COMMD10: variants seen among roughly 807,000 people sequenced by gnomAD.
COMMD10 encodes the protein COMM domain containing 10.
A neutral mutation model predicts 28.9 loss-of-function variants in COMMD10; 33 were observed. That is an observed-to-expected ratio of 1.14 (90% CI 0.87 to 1.53). COMMD10 has a LOEUF of 1.53. Ranked by LOEUF, COMMD10 falls within the 40% of genes most tolerant of loss-of-function variation. COMMD10 has a pLI of 0.00. For missense variants in COMMD10, 310 were observed against 233.4 expected (o/e 1.33, Z -2.14); for synonymous variants, 110 against 81.7 (o/e 1.35, Z -1.87).
chr5:116,194,838 A>G (rs1353528600), intron 5 of COMMD10, among the ~76,000 whole-genome samples: 1 of 152,150 alleles, frequency 6.6e-6, no homozygotes, highest in Non-Finnish European at 1.5e-5. Context: ...CCCTAATACC[A>G]AAATCAGGAA....
chr5:116,191,615 C>A (rs1361104466), intron 5 of COMMD10, among the ~76,000 whole-genome samples: 1 of 151,886 alleles, frequency 6.6e-6, no homozygotes, highest in South Asian at 2.1e-4. Context: ...TCACCCCAAC[C>A]CCCAACAGCA....
chr5:116,117,195 T>C (rs73780836), intron 4 of COMMD10, among the ~76,000 whole-genome samples: 1,687 of 152,334 alleles, frequency 0.011, 33 homozygotes, highest in African/African-American at 0.038. Flanking sequence ...TTGGGTTTTT[T>C]ACAGTTTCTG....
At chr5:116,256,796 T>C (rs923189175) in intron 5 of COMMD10, among the ~76,000 whole-genome samples, 8 of 151,804 alleles carry the variant, frequency 5.3e-5, no homozygotes, top group Non-Finnish European at 1.0e-4. Flanking sequence ...TAAACAAAGT[T>C]TGCATACATT....
At chr5:116,088,384 T>G (rs575498600) in intron 2 of COMMD10, among the ~76,000 whole-genome samples, 7 of 152,368 alleles carry the variant, frequency 4.6e-5, no homozygotes, top group African/African-American at 1.7e-4. Flanking sequence ...CAAGCTGGTT[T>G]CCCTGCCTAT....
intron 4 of COMMD10, among the ~76,000 whole-genome samples, chr5:116,099,709 CT>C (rs1387526062): frequency 3.3e-5 from 5 of 152,084 alleles, no homozygotes; most frequent in Non-Finnish European, 7.4e-5. Context: ...ATTGACCACT[CT>C]TTTATATACC....
intron 5 of COMMD10, among the ~76,000 whole-genome samples, chr5:116,177,984 C>T (rs1747785593): frequency 6.6e-6 from 1 of 152,124 alleles, no homozygotes; most frequent in African/African-American, 2.4e-5. Flanking sequence ...ATAATATGAG[C>T]ATGTACCTTA....
intron 4 of COMMD10, among the ~76,000 whole-genome samples, chr5:116,102,195 C>G (rs780644630): frequency 2.6e-5 from 4 of 152,118 alleles, no homozygotes; most frequent in Non-Finnish European, 5.9e-5. Flanking sequence ...TTCAAGTATT[C>G]CATTGAAGTC....
intron 5 of COMMD10, among the ~76,000 whole-genome samples, chr5:116,182,460 A>G (rs1748003199): frequency 1.3e-5 from 2 of 152,068 alleles, no homozygotes; most frequent in Non-Finnish European, 2.9e-5. Context: ...TTGAGCAAAA[A>G]AAAAGTCAGT....
At chr5:116,233,919 T>C (rs994188991) in intron 5 of COMMD10, among the ~76,000 whole-genome samples, 3 of 152,118 alleles carry the variant, frequency 2.0e-5, no homozygotes, top group Non-Finnish European at 2.9e-5. Flanking sequence ...CCTCAAAATG[T>C]TGAGAGAAGG....
chr5:116,225,967 A>G (rs553883022), intron 5 of COMMD10, among the ~76,000 whole-genome samples: 1 of 151,808 alleles, frequency 6.6e-6, no homozygotes, highest in East Asian at 1.9e-4. Flanking sequence ...TTTCCTTTAA[A>G]TTTTCAGCTC....
chr5:116,220,992 A>G (rs1307110302), intron 5 of COMMD10, among the ~76,000 whole-genome samples: 1 of 152,022 alleles, frequency 6.6e-6, no homozygotes, highest in Non-Finnish European at 1.5e-5. Context: ...TCCTACAATC[A>G]CAAAGACCTT....
At chr5:116,245,731 G>C (rs894569511) in intron 5 of COMMD10, among the ~76,000 whole-genome samples, 10 of 152,078 alleles carry the variant, frequency 6.6e-5, no homozygotes, top group Non-Finnish European at 1.2e-4. Flanking sequence ...CAGAGCTAAA[G>C]ACAAAAACCA....
chr5:116,174,676 C>T (rs1753442826), intron 5 of COMMD10, among the ~76,000 whole-genome samples: 1 of 152,046 alleles, frequency 6.6e-6, no homozygotes, highest in Non-Finnish European at 1.5e-5. Context: ...TAAAGTGAGT[C>T]ATTAAAGATA....
chr5:116,187,081 A>G (rs4921074), intron 5 of COMMD10, among the ~76,000 whole-genome samples: 148,927 of 152,214 alleles, frequency 0.98, 72,937 homozygotes, highest in East Asian at 1. Context: ...AATAATAATA[A>G]ACAAATGAAT....
At chr5:116,210,267 G>T (rs1748925746) in intron 5 of COMMD10, among the ~76,000 whole-genome samples, 1 of 151,740 alleles carries the variant, frequency 6.6e-6, no homozygotes, top group Non-Finnish European at 1.5e-5. Flanking sequence ...AACCATAGCA[G>T]TTATGTATTT....
intron 5 of COMMD10, 71 bp downstream of exon 5, chr5:116,134,249 C>G (rs1751958604): frequency 8.7e-6 from 7 of 800,426 alleles, no homozygotes; most frequent in Non-Finnish European, 1.5e-5. Flanking sequence ...TCTTAGCAGT[C>G]TTTGCTCTCT....
At chr5:116,291,693 C>T (rs1209774210) in intron 6 of COMMD10, 117 bp downstream of exon 6, 3 of 570,166 alleles carry the variant, frequency 5.3e-6, no homozygotes, top group African/African-American at 3.9e-5. Context: ...TTTAAACTTC[C>T]CTTATAAAAG....
At chr5:116,139,553 C>A (rs1312054915) in intron 5 of COMMD10, among the ~76,000 whole-genome samples, 3 of 151,274 alleles carry the variant, frequency 2.0e-5, no homozygotes, top group Admixed American at 6.6e-5. Flanking sequence ...GAATGACCTT[C>A]ACATTTTTTA....
chr5:116,202,298 G>A (rs1408632652), intron 5 of COMMD10, among the ~76,000 whole-genome samples: 4 of 151,438 alleles, frequency 2.6e-5, no homozygotes, highest in African/African-American at 4.9e-5. Flanking sequence ...TTGGACATTT[G>A]GGTTGGTTCC....
Sources: gnomAD v4.1 joint callset for allele counts (sites outside exome capture counted in the v4.1 genomes callset) on GRCh38, gnomAD v4.1.1 for gene constraint, MANE v1.5 for transcripts, NCBI Gene and HGNC (gene_info 2026-07-23, HGNC 2026-07-21) for gene names.